CC2D2B: variants seen among roughly 807,000 people sequenced by gnomAD.
CC2D2B encodes the protein coiled-coil and C2 domain containing 2B, also known as protein CC2D2B.
A neutral mutation model predicts 161.2 loss-of-function variants in CC2D2B; 128 were observed. The observed-to-expected ratio is 0.79, with a 90% CI of 0.69 to 0.92. CC2D2B has a LOEUF of 0.92. CC2D2B is among the 40% of genes least tolerant of loss of function. The pLI is 0.00. For missense variants in CC2D2B, 1,173 were observed against 1,375.1 expected (o/e 0.85, Z 2.32); for synonymous variants, 391 against 449.8 (o/e 0.87, Z 1.65).
intron 24 of CC2D2B, among the ~76,000 whole-genome samples, chr10:95,999,095 AAAAC>A (rs1029227051): frequency 6.6e-5 from 10 of 152,206 alleles, no homozygotes; most frequent in Non-Finnish European, 1.0e-4. Context: ...AAAAAAACAA[AAAAC>A]AAACAAAAAA....
chr10:95,958,743 G>C (rs993274381), intron 11 of CC2D2B, among the ~76,000 whole-genome samples: 1 of 152,012 alleles, frequency 6.6e-6, no homozygotes, highest in African/African-American at 2.4e-5. Flanking sequence ...CACAAACAGA[G>C]CCTAAGAGAC....
chr10:95,942,221 A>G (rs1053342162), intron 9 of CC2D2B, among the ~76,000 whole-genome samples: 6 of 152,150 alleles, frequency 3.9e-5, no homozygotes, highest in Non-Finnish European at 5.9e-5. Flanking sequence ...GTCATGCAAG[A>G]TGAAAAAGCC....
chr10:96,014,901 C>T (rs2079125945), intron 29 of CC2D2B, among the ~76,000 whole-genome samples: 1 of 152,094 alleles, frequency 6.6e-6, no homozygotes, highest in African/African-American at 2.4e-5. Flanking sequence ...CAGGTTCAGC[C>T]AATGCACACT....
At chr10:96,031,110 C>A (rs2080047804) in intron 34 of CC2D2B, among the ~76,000 whole-genome samples, 1 of 152,096 alleles carries the variant, frequency 6.6e-6, no homozygotes, top group Non-Finnish European at 1.5e-5. Flanking sequence ...ATGTGCCAGG[C>A]ATTATGCTGG....
intron 34 of CC2D2B, among the ~76,000 whole-genome samples, chr10:96,030,646 G>C (rs540926601): frequency 6.6e-6 from 1 of 152,182 alleles, no homozygotes; most frequent in East Asian, 1.9e-4. Flanking sequence ...CTGGAAGCTG[G>C]GAATTCCAAG....
rs1420070503 is a variant in CC2D2B, at chr10:95,938,047, T to C, written c.393T>C (p.Asn131=). The change falls in exon 7 of 35, where the codon AAT becomes AAC. Residue 131 remains asparagine (N), a synonymous_variant. Transcript: ENST00000646931. ...KCFSLGVNLQ[N]VAESEEEEFM... ...TTTCACTTGGTGTTAATTTACAAAA[T>C]GTTGCTGAGAGTGAAGAGGAAGAGT... The C allele has an allele frequency of 2.6e-6, 4 of 1,551,218 alleles. No individual in the cohort carries two copies. The highest frequency in any genetic ancestry group is 3.5e-6 in the Non-Finnish European group (4 of 1,146,608).
At position 96,027,820 on chromosome 10, in the gene CC2D2B, C is replaced by T. The variant is rs142699099; in HGVS notation, c.4125+431C>T. ...GACCAATGGAACAGAATAGAGAACC[C>T]GGAAACAAATCCACACACCTAAGTG... On this transcript the variant is annotated intron_variant, in intron 34 of 34. Transcript: ENST00000646931. 1.5e-3 allele frequency among the ~76,000 whole-genome samples: 224 copies of T among 152,186 alleles called. 1 individual carries two copies. Among genetic ancestry groups the T allele is most frequent in the African/African-American group, 5.1e-3 (212 of 41,538 alleles).
chr10:96,025,170 T>TAAAAAAAAAAAAAAAAA (rs1564683762), intron 33 of CC2D2B, among the ~76,000 whole-genome samples: 7 of 19,308 alleles, frequency 3.6e-4, no homozygotes, highest in African/African-American at 1.5e-3. Flanking sequence ...TATATATATA[T>TAAAAAAAAAAAAAAAAA]ATATATATAT....
intron 3 of CC2D2B, among the ~76,000 whole-genome samples, chr10:95,923,877 A>T (rs773592133): frequency 7.2e-5 from 11 of 152,030 alleles, no homozygotes; most frequent in Non-Finnish European, 4.4e-5. Context: ...GAAAGTTAGC[A>T]GGGTGTGGTG....
At chr10:95,935,366 C>G (rs1564596574) in intron 6 of CC2D2B, among the ~76,000 whole-genome samples, 5 of 152,198 alleles carry the variant, frequency 3.3e-5, no homozygotes, top group African/African-American at 1.2e-4. Flanking sequence ...TCTGGTACTT[C>G]ACCATAGCCT....
intron 14 of CC2D2B, among the ~76,000 whole-genome samples, chr10:95,967,166 C>A (rs561476515): frequency 5.9e-5 from 9 of 152,238 alleles, no homozygotes; most frequent in African/African-American, 2.2e-4. Context: ...ATTATCACCA[C>A]CCACTTTCTG....
At chr10:96,020,015 T>G (rs1309318813) in intron 32 of CC2D2B, 191 bp downstream of exon 32, 1 of 497,040 alleles carries the variant, frequency 2.0e-6, no homozygotes, top group Non-Finnish European at 3.5e-6. Context: ...AAAAATAAAT[T>G]GAGAAGAAAG....
At chr10:95,915,767 G>A (rs551035908) in intron 2 of CC2D2B, among the ~76,000 whole-genome samples, 4 of 152,148 alleles carry the variant, frequency 2.6e-5, no homozygotes, top group Non-Finnish European at 5.9e-5. Flanking sequence ...TGGTCACGAT[G>A]AATGATCTCT....
chr10:95,966,398 T>C (rs758866661), intron 14 of CC2D2B, 96 bp downstream of exon 14: 1 of 405,506 alleles, frequency 2.5e-6, no homozygotes, highest in Non-Finnish European at 4.2e-6. Context: ...GAGTACCATA[T>C]GCCAGGCACT....
chr10:95,950,539 A>C (rs1267614339), intron 10 of CC2D2B: 1 of 152,452 alleles, frequency 6.6e-6, no homozygotes, highest in African/African-American at 2.4e-5. Context: ...CTGAAGAGAA[A>C]TAGAAGGAGT....
chr10:95,949,873 G>A (rs1222580442), intron 9 of CC2D2B, 23 bp from the exon 10 acceptor site: 1 of 398,288 alleles, frequency 2.5e-6, no homozygotes, highest in Non-Finnish European at 4.4e-6. Context: ...AATTAACATT[G>A]TGCACTTATT....
chr10:96,004,909 A>G (rs1185964941), intron 25 of CC2D2B, among the ~76,000 whole-genome samples: 1 of 152,196 alleles, frequency 6.6e-6, no homozygotes, highest in Admixed American at 6.5e-5. Context: ...GGGCCTGGGG[A>G]TCCATGTCAG....
At chr10:95,975,036 A>G (rs1590691442) in intron 17 of CC2D2B, among the ~76,000 whole-genome samples, 1 of 152,304 alleles carries the variant, frequency 6.6e-6, no homozygotes, top group Non-Finnish European at 1.5e-5. Context: ...ATGGATTGTA[A>G]AAAAAGGTAC....
chr10:95,931,138 A>C (rs1420302114), intron 6 of CC2D2B, among the ~76,000 whole-genome samples: 5 of 152,124 alleles, frequency 3.3e-5, no homozygotes, highest in Non-Finnish European at 7.3e-5. Flanking sequence ...CCAGGAATTT[A>C]TCCATTTCTT....
Sources: gnomAD v4.1 joint callset for allele counts (sites outside exome capture counted in the v4.1 genomes callset) on GRCh38, gnomAD v4.1.1 for gene constraint, MANE v1.5 for transcripts, NCBI Gene and HGNC (gene_info 2026-07-23, HGNC 2026-07-21) for gene names.